The following NAF1 variants were observed in gnomAD, a reference collection of about 807,000 sequenced individuals.
NAF1 encodes the protein H/ACA ribonucleoprotein complex non-core subunit NAF1.
NAF1 carries 11 observed loss-of-function variants against 40.6 expected under a neutral mutation model. The ratio of observed to expected loss-of-function variants is 0.27; its 90% CI spans 0.17 to 0.45. NAF1 has a LOEUF of 0.45. Ranked by LOEUF, NAF1 falls within the 20% of genes least tolerant of loss-of-function variation. The pLI is 1.00. For synonymous variants in NAF1, 260 were observed against 228.5 expected (o/e 1.14, Z -1.24); for missense variants, 607 against 611.1 (o/e 0.99, Z 0.07).
At chr4:163,141,327 G>A (rs1481533877) in intron 4 of NAF1, among the ~76,000 whole-genome samples, 4 of 152,256 alleles carry the variant, frequency 2.6e-5, no homozygotes, top group East Asian at 1.9e-4. Flanking sequence ...TTGTGCCATC[G>A]CACTACAGCC....
chr4:163,161,705 C>A (rs1353287752), intron 2 of NAF1, among the ~76,000 whole-genome samples: 2 of 152,124 alleles, frequency 1.3e-5, no homozygotes, highest in Non-Finnish European at 2.9e-5. Flanking sequence ...CAACATAAGT[C>A]GTACATGATA....
downstream of NAF1, among the ~76,000 whole-genome samples, chr4:163,125,218 A>C (rs1730621641): frequency 6.6e-6 from 1 of 152,248 alleles, no homozygotes; most frequent in South Asian, 2.1e-4. Context: ...CTAAGTATTC[A>C]AGTGAAAGGA....
Position 163,166,559 on chromosome 4 carries a change from C to A in NAF1, c.169G>T (p.Val57Leu). ...FEGSPDAGQT[V>L]EVKPAGEQPL... ...TGCTCCCCGGCAGGCTTAACCTCCACGGTCTGCCCAGCGTCCGGGGACCCC... is the reference window on the plus strand; with the variant it reads ...TGCTCCCCGGCAGGCTTAACCTCCAAGGTCTGCCCAGCGTCCGGGGACCCC... The change falls in exon 1 of 8, where the codon GTG (valine) becomes TTG (leucine). Residue 57 changes from valine to leucine, a missense_variant. Transcript: ENST00000274054. The A allele has an allele frequency of 6.2e-7, 1 of 1,601,312 alleles. No homozygotes were observed. Among genetic ancestry groups the A allele is most frequent in the Non-Finnish European group, 8.5e-7 (1 of 1,174,702 alleles).
intron 1 of NAF1, among the ~76,000 whole-genome samples, chr4:163,165,773 T>C (rs773494196): frequency 2.0e-5 from 3 of 152,068 alleles, no homozygotes; most frequent in African/African-American, 4.8e-5. Flanking sequence ...AAGACAGGTG[T>C]GGGGGCAAGG....
At chr4:163,134,847 C>T (rs1017715631) in intron 6 of NAF1, among the ~76,000 whole-genome samples, 17 of 152,146 alleles carry the variant, frequency 1.1e-4, no homozygotes, top group African/African-American at 3.6e-4. Context: ...GAGAAGCTTA[C>T]AAAGAACCTT....
chr4:163,105,146 T>C (rs927004631), downstream of NAF1, among the ~76,000 whole-genome samples: 1 of 152,176 alleles, frequency 6.6e-6, no homozygotes, highest in African/African-American at 2.4e-5. Context: ...TAAGATGCAG[T>C]TGGTGCAGAG....
At chr4:163,147,449 T>C (rs191636035) in intron 3 of NAF1, among the ~76,000 whole-genome samples, 56 of 152,326 alleles carry the variant, frequency 3.7e-4, no homozygotes, top group Admixed American at 3.1e-3. Context: ...TACGAGTTAA[T>C]AGTACCTATA....
chr4:163,153,678 T>C (rs1248556634), intron 2 of NAF1, among the ~76,000 whole-genome samples: 1 of 152,134 alleles, frequency 6.6e-6, no homozygotes, highest in Non-Finnish European at 1.5e-5. Context: ...CCTTTGTATC[T>C]AGCTCAGGGA....
At chr4:163,162,311 C>T (rs1335178965) in intron 2 of NAF1, among the ~76,000 whole-genome samples, 1 of 152,194 alleles carries the variant, frequency 6.6e-6, no homozygotes, top group Non-Finnish European at 1.5e-5. Flanking sequence ...GTCCTTATAT[C>T]TTCTTTCAGA....
In NAF1 at chr4:163,129,034, C is replaced by T. The variant is rs200516616; in HGVS notation, c.1348G>A (p.Gly450Ser). The change falls in exon 8 of 8, where the codon GGT becomes AGT. Residue 450 changes from glycine (G) to serine (S), a missense_variant. By Grantham distance (56) the Gly-to-Ser change is moderately conservative. Around this residue, in one of 3 missense-constraint regions of NAF1, gnomAD observed 189 missense variants for 216.6 expected, o/e 0.87. Coordinates refer to ENST00000274054, the MANE Select transcript of NAF1 (RefSeq NM_138386.3). ...PPPPPPPVNM[G>S]WATPNMAAHP... Reference sequence around the variant, plus strand: ...GCAGCCATGTTTGGTGTAGCCCAACCCATGTTTACAGGTGGGGGTGGTGGT... The same window carrying T: ...GCAGCCATGTTTGGTGTAGCCCAACTCATGTTTACAGGTGGGGGTGGTGGT... 7.4e-3 allele frequency: 10,261 copies of T among 1,393,560 alleles called. 46 individuals are homozygous for T. The highest frequency in any genetic ancestry group is 9.1e-3 in the Non-Finnish European group (9,584 of 1,050,348). The allele number at this position is 1,393,560 out of a possible 1,614,324, so 86.3% of individuals were successfully genotyped here.
intron 2 of NAF1, among the ~76,000 whole-genome samples, chr4:163,159,240 A>AAT (rs1215092389): frequency 6.6e-6 from 1 of 152,116 alleles, no homozygotes; most frequent in Non-Finnish European, 1.5e-5. Context: ...AAGATATAAA[A>AAT]CTTTAATTTA....
At chr4:163,135,107 C>T (rs1291742408) in intron 6 of NAF1, 4 of 152,088 alleles carry the variant, frequency 2.6e-5, no homozygotes, top group African/African-American at 9.7e-5. Context: ...ATGATACAAC[C>T]GTAGGTAATT....
downstream of NAF1, among the ~76,000 whole-genome samples, chr4:163,128,097 C>A (rs1730721534): frequency 6.6e-6 from 1 of 152,136 alleles, no homozygotes; most frequent in Non-Finnish European, 1.5e-5. Flanking sequence ...AAGCAGTAGT[C>A]ATTACTCATT....
intron 6 of NAF1, 55 bp downstream of exon 6, chr4:163,137,144 A>T: frequency 1.3e-6 from 2 of 1,594,120 alleles, no homozygotes; most frequent in Non-Finnish European, 1.7e-6. Context: ...TAAAATTTAT[A>T]AGATTAAGTC....
In NAF1 at chr4:163,156,194, T is replaced by C. The variant is rs1731979627; in HGVS notation, c.541-7760A>G. ...ATTTAAAATTTGGTCTCAGAAAACATACTGTGGGACATTACCACTCTGGCA... is the reference window on the plus strand; with the variant it reads ...ATTTAAAATTTGGTCTCAGAAAACACACTGTGGGACATTACCACTCTGGCA... On this transcript the variant is annotated intron_variant, in intron 2 of 7. Transcript: ENST00000274054. 1.7e-5 allele frequency among the ~76,000 whole-genome samples: 2 copies of C among 115,446 alleles called. 1 individual carries two copies. Among genetic ancestry groups the C allele is most frequent in the Non-Finnish European group, 3.7e-5 (2 of 54,012 alleles). The allele number at this position is 115,446 out of a possible 152,430, so 75.7% of individuals were successfully genotyped here.
intron 6 of NAF1, chr4:163,135,135 GC>G (rs1412422493): frequency 2.0e-5 from 3 of 152,144 alleles, no homozygotes; most frequent in African/African-American, 7.2e-5. Flanking sequence ...CCTTTATGCA[GC>G]CCAACATTTC....
At chr4:163,138,991 C>T (rs1301030885) in intron 5 of NAF1, among the ~76,000 whole-genome samples, 1 of 151,950 alleles carries the variant, frequency 6.6e-6, no homozygotes. Context: ...AAGAAAATAA[C>T]CTTATGCAAT....
At position 163,166,742 on chromosome 4, in the gene NAF1, A is replaced by G; in HGVS notation, c.-15T>C. 6.2e-7 allele frequency: 1 copy of G among 1,613,012 alleles called. No homozygotes were observed. Among genetic ancestry groups the G allele is most frequent in the Non-Finnish European group, 8.5e-7 (1 of 1,179,798 alleles). The stretch of plus-strand genomic sequence containing the variant: ...ACTACCTCCATCGCACCGCGCCAGA[A>G]ACCGGGTCGGCCTCAGGATTGGGGC... On this transcript the variant is annotated 5_prime_UTR_variant, in exon 1 of 8. Coordinates refer to ENST00000274054, the MANE Select transcript of NAF1 (RefSeq NM_138386.3).
In NAF1 at chr4:163,145,882, T is replaced by C; in HGVS notation, c.635-18A>G. 1 of 1,168,512 alleles carries C rather than the reference T, an allele frequency of 8.6e-7. No individual in the cohort carries two copies. The highest frequency in any genetic ancestry group is 1.2e-6 in the Non-Finnish European group (1 of 801,942). The allele number at this position is 1,168,512 out of a possible 1,614,324, so 72.4% of individuals were successfully genotyped here. On this transcript the variant is annotated intron_variant, in intron 3 of 7. Coordinates refer to ENST00000274054, the MANE Select transcript of NAF1 (RefSeq NM_138386.3). ...AATTATTACTGAAAAATAAAATAGA[T>C]TACTTCAAGATTTACTTATAAGAGA...
Sources: allele counts gnomAD v4.1 joint callset (sites outside exome capture counted in the v4.1 genomes callset), GRCh38; gene constraint gnomAD v4.1.1; regional missense constraint gnomAD v4.1.1; transcripts MANE v1.5; gene names NCBI Gene and HGNC (gene_info 2026-07-23, HGNC 2026-07-21).